Variants in RNF123 observed in about 807,000 individuals in gnomAD.
The protein encoded by RNF123 is E3 ubiquitin-protein ligase RNF123.
RNF123 carries 86 observed loss-of-function variants against 168.5 expected under a neutral mutation model. The ratio of observed to expected loss-of-function variants is 0.51; its 90% CI spans 0.43 to 0.61. RNF123 has a LOEUF of 0.61. Among genes scored for constraint, RNF123 ranks in the 20% least tolerant of loss-of-function variants. The probability of loss-of-function intolerance (pLI) is 0.00; values close to 1 mark genes in which losing one functional copy is unlikely to be tolerated. For missense variants in RNF123, 1,419 were observed against 1,729.7 expected (o/e 0.82, Z 3.19); for synonymous variants, 666 against 689.1 (o/e 0.97, Z 0.52).
At chr3:49,718,502 G>A (rs1167208256) in intron 35 of RNF123, 9 of 1,613,134 alleles carry the variant, frequency 5.6e-6, no homozygotes, top group Non-Finnish European at 7.6e-6. Context: ...CGGGATCCTG[G>A]CGCCCTGAGA....
chr3:49,700,325 C>T lies in RNF123; in HGVS notation c.1083C>T (p.Val361=). 1.2e-6 allele frequency: 2 copies of T among 1,614,226 alleles called. No individual in the cohort carries two copies. The highest frequency in any genetic ancestry group is 1.1e-5 in the South Asian group (1 of 91,086). ...AGGCACAGTCCGTGGTGCACCAGGT[C>T]CTGGACCTCTTGTGGCTCTTCATGG... ...PTQAQSVVHQ[V]LDLLWLFMED... Residue 361 remains valine, a synonymous_variant, in exon 13 of 39, where the codon GTC becomes GTT. Transcript: ENST00000327697.
chr3:49,699,414 G>A lies in RNF123; in HGVS notation c.765-54G>A. On this transcript the variant is annotated intron_variant, in intron 10 of 38. Coordinates refer to ENST00000327697, the MANE Select transcript of RNF123 (RefSeq NM_022064.5). The surrounding 1 kb of genome is among the most constrained non-coding windows in gnomAD (Gnocchi z 4.8). ...CGGGGTGGGGGGTGGGCAGTGGAGA[G>A]GGAGTAGGCATGTCTGAGCCACAGA... is the stretch of plus-strand genomic sequence containing the variant. The A allele has an allele frequency of 6.9e-7, 1 of 1,444,758 alleles. No homozygotes were observed. Among genetic ancestry groups the A allele is most frequent in the Non-Finnish European group, 9.5e-7 (1 of 1,050,892 alleles). 89.5% of individuals were successfully genotyped at this position (1,444,758 alleles called of 1,614,324 possible).
At chr3:49,692,508 G>T (rs1245299899) in intron 3 of RNF123, among the ~76,000 whole-genome samples, 2 of 152,086 alleles carry the variant, frequency 1.3e-5, no homozygotes, top group African/African-American at 4.8e-5. Flanking sequence ...TACTCTTTTA[G>T]TTATTTTTAA....
At position 49,718,906 on chromosome 3, in the gene RNF123, G is replaced by GTT. The variant is rs768221500; in HGVS notation, c.3501-1604_3501-1603insTT. 19 of 1,613,742 alleles carry GTT rather than the reference G, an allele frequency of 1.2e-5. No individual in the cohort carries two copies. The African/African-American group carries it at 2.5e-4, about 21-fold the overall frequency. ...CAGCCGGTTGGAGGAGAGGTCCAGAGTAAGCAGGTGGGTGGCGCTCAGACC... is the reference window on the plus strand; with the variant it reads ...CAGCCGGTTGGAGGAGAGGTCCAGAGTTTAAGCAGGTGGGTGGCGCTCAGACC... On this transcript the variant is annotated intron_variant, in intron 35 of 38. Transcript: ENST00000327697.
intron 31 of RNF123, among the ~76,000 whole-genome samples, chr3:49,715,236 C>T (rs1385644117): frequency 1.3e-5 from 2 of 152,204 alleles, no homozygotes; most frequent in Non-Finnish European, 2.9e-5. Context: ...ATCTAAGCCG[C>T]CCTGTTTAGG....
In RNF123 at chr3:49,698,069, G is replaced by A; in HGVS notation, c.415G>A (p.Val139Ile). 1 of 1,614,064 alleles carries A rather than the reference G, an allele frequency of 6.2e-7. No homozygotes were observed. The highest frequency in any genetic ancestry group is 8.5e-7 in the Non-Finnish European group (1 of 1,179,984). The change falls in exon 7 of 39, where the codon GTC becomes ATC. Residue 139 changes from valine (V) to isoleucine (I), a missense_variant. Transcript: ENST00000327697. The stretch of plus-strand genomic sequence containing the variant: ...CTTTCCAGGGAAATGGCTCTACGAG[G>A]TCCTCATCTCCTCCCAGGGGCTCAT... Reference protein sequence around the residue: ...CVYKGKWLYEVLISSQGLMQI... With the variant: ...CVYKGKWLYEILISSQGLMQI...
rs559193779 is a variant in RNF123, at chr3:49,694,434, G to T, written c.168-2709G>T. Reference sequence around the variant, plus strand: ...CTTACTGAGCATCTTTAGGGCCAGGGGGTCTGCTGTGGCCCATACCAGTGC... The same window carrying T: ...CTTACTGAGCATCTTTAGGGCCAGGTGGTCTGCTGTGGCCCATACCAGTGC... On this transcript the variant is annotated intron_variant, in intron 3 of 38. Transcript: ENST00000327697. Among the ~76,000 whole-genome samples the T allele has an allele frequency of 4.5e-4, 68 of 152,306 alleles. No individual in the cohort carries two copies. The Middle Eastern group carries it at 0.014, about 30-fold the overall frequency.
At chr3:49,698,914 T>C (rs2054321438) in intron 9 of RNF123, 66 bp from the exon 10 acceptor site, 1 of 1,607,010 alleles carries the variant, frequency 6.2e-7, no homozygotes, top group Non-Finnish European at 8.5e-7. Flanking sequence ...CCAGACTGAG[T>C]TTGATAGCCT....
At chr3:49,718,174 G>C in intron 35 of RNF123, 1 of 1,613,148 alleles carries the variant, frequency 6.2e-7, no homozygotes. Context: ...TGAGGACTGT[G>C]CGCTCAGCTC....
At chr3:49,719,945 T>C (rs2080357835) in intron 35 of RNF123, 1 of 169,382 alleles carries the variant, frequency 5.9e-6, no homozygotes, top group African/African-American at 2.4e-5. Context: ...TTATTTGAAG[T>C]GACTTTGAAG....
Position 49,721,055 on chromosome 3 carries a change from T to C in RNF123, c.3774T>C (p.Tyr1258=). 6.2e-7 allele frequency: 1 copy of C among 1,613,758 alleles called. No individual in the cohort carries two copies. Among genetic ancestry groups the C allele is most frequent in the Non-Finnish European group, 8.5e-7 (1 of 1,179,814 alleles). The change falls in exon 38 of 39, where the codon TAT becomes TAC. Residue 1258 remains tyrosine, a synonymous_variant. Transcript: ENST00000327697. ...TSEEDLCPIC[Y]AHPISAVFQP... is the part of the protein sequence containing the mutation. Reference sequence around the variant, plus strand: ...AGGAGGACCTCTGCCCCATCTGCTATGCCCACCCCATCTCTGCTGTGTTCC... The same window carrying C: ...AGGAGGACCTCTGCCCCATCTGCTACGCCCACCCCATCTCTGCTGTGTTCC...
rs117758999 is a variant in RNF123 at position 49,713,818 on chromosome 3, G to A, written c.2830G>A (p.Glu944Lys). Residue 944 changes from glutamate (E) to lysine (K), a missense_variant, in exon 29 of 39, where the codon GAG becomes AAG. Physicochemically the swap from Glu to Lys is moderately conservative, Grantham distance 56. Transcript: ENST00000327697. ...HSLRAVERIPEEQRIAMVRNL... is the reference protein window; with the variant it reads ...HSLRAVERIPKEQRIAMVRNL... ...CCTGCGGGCTGTGGAGCGAATCCCC[G>A]AGGAGCAGTGAGTGGGGCCTGGGGG... 8.6e-5 allele frequency: 139 copies of A among 1,613,036 alleles called. No homozygotes were observed. Among genetic ancestry groups the A allele is most frequent in the East Asian group, 4.5e-4 (20 of 44,834 alleles).
intron 35 of RNF123, chr3:49,717,939 G>A (rs540461871): frequency 6.2e-7 from 1 of 1,606,182 alleles, no homozygotes; most frequent in East Asian, 2.2e-5. Flanking sequence ...GGGTGGGGGA[G>A]CCCTGGGCAG....
At chr3:49,717,864 C>T (rs1209116954) in intron 35 of RNF123, 2 of 1,427,828 alleles carry the variant, frequency 1.4e-6, no homozygotes, top group Non-Finnish European at 1.9e-6. Flanking sequence ...GTGCTTCCCA[C>T]CAGTATCTGC....
chr3:49,697,036 G>A (rs1221004264), intron 3 of RNF123, 107 bp from the exon 4 acceptor site: 2 of 927,202 alleles, frequency 2.2e-6, no homozygotes, highest in Non-Finnish European at 3.5e-6. Context: ...CCCTTTTTCT[G>A]GAGTCTAGGC....
chr3:49,704,137 C>T (rs1432465996), intron 21 of RNF123, among the ~76,000 whole-genome samples: 1 of 152,090 alleles, frequency 6.6e-6, no homozygotes, highest in Non-Finnish European at 1.5e-5. Context: ...GGACACAGCG[C>T]GTTTAGCGGG....
At chr3:49,716,704 C>A in intron 35 of RNF123, 1 of 506,434 alleles carries the variant, frequency 2.0e-6, no homozygotes, top group Non-Finnish European at 3.6e-6. Flanking sequence ...GGCCCTGGCC[C>A]ACAGAGCCAC....
intron 35 of RNF123, chr3:49,719,716 C>A (rs1323159147): frequency 1.1e-5 from 5 of 457,682 alleles, no homozygotes; most frequent in East Asian, 7.5e-5. Context: ...CCTAAATACT[C>A]CCCCCAGGGG....
chr3:49,714,492 A>T (rs1441580380), intron 31 of RNF123, among the ~76,000 whole-genome samples: 1 of 151,998 alleles, frequency 6.6e-6, no homozygotes, highest in Non-Finnish European at 1.5e-5. Context: ...CAGACTGAAT[A>T]CTCTGTCCCT....
Sources: allele counts gnomAD v4.1 joint callset (sites outside exome capture counted in the v4.1 genomes callset), GRCh38; gene constraint gnomAD v4.1.1; non-coding constraint Gnocchi (gnomAD v3.1); transcripts MANE v1.5; gene names NCBI Gene and HGNC (gene_info 2026-07-23, HGNC 2026-07-21).